GPC6: variants seen among roughly 807,000 people sequenced by gnomAD.
GPC6 encodes glypican-6.
A neutral mutation model predicts 55.2 loss-of-function variants in GPC6; 14 were observed. That is an observed-to-expected ratio of 0.25 (90% CI 0.17 to 0.40). GPC6 has a LOEUF of 0.40. GPC6 is among the 10% of genes least tolerant of loss of function. The pLI is 1.00. For missense variants in GPC6, 641 were observed against 708.5 expected (o/e 0.90, Z 1.08); for synonymous variants, 278 against 259.6 (o/e 1.07, Z -0.68).
intron 5 of GPC6, among the ~76,000 whole-genome samples, chr13:94,300,760 G>A (rs1280971245): frequency 3.9e-5 from 6 of 152,170 alleles, no homozygotes; most frequent in African/African-American, 1.2e-4. Context: ...TGGTAATACC[G>A]ATTCTGTTTC....
intron 1 of GPC6, among the ~76,000 whole-genome samples, chr13:93,230,903 G>A (rs1875982868): frequency 6.6e-6 from 1 of 152,026 alleles, no homozygotes; most frequent in South Asian, 2.1e-4. Context: ...AGTCTTGCTA[G>A]GATCATTAAT....
chr13:93,677,670 CTCTT>C (rs1881688393), intron 2 of GPC6, among the ~76,000 whole-genome samples: 1 of 152,058 alleles, frequency 6.6e-6, no homozygotes, highest in African/African-American at 2.4e-5. Flanking sequence ...CACTTTTACT[CTCTT>C]TAATAAACTG....
In GPC6 at chr13:93,316,959, G is replaced by A. The variant is rs1214862222; in HGVS notation, c.160+89343G>A. Among the ~76,000 whole-genome samples the A allele has an allele frequency of 2.0e-5, 3 of 152,058 alleles. No homozygotes were observed. In the East Asian group the frequency reaches 5.8e-4, roughly 29 times the overall value. ...TGTCATTATCTGATCTGCATTTGAG[G>A]AGCAAGCTATGTTAGCACTGTGAGC... On this transcript the variant is annotated intron_variant, in intron 1 of 8. Coordinates refer to ENST00000377047, the MANE Select transcript of GPC6 (RefSeq NM_005708.5).
chr13:93,311,105 T>C (rs1749833792), intron 1 of GPC6, among the ~76,000 whole-genome samples: 2 of 152,170 alleles, frequency 1.3e-5, no homozygotes, highest in Non-Finnish European at 2.9e-5. Context: ...GCATTACCCA[T>C]GGCCCTAAAG....
At chr13:94,202,185 C>T (rs1889773417) in intron 4 of GPC6, among the ~76,000 whole-genome samples, 1 of 152,130 alleles carries the variant, frequency 6.6e-6, no homozygotes, top group African/African-American at 2.4e-5. Flanking sequence ...TGTAAATTCT[C>T]AGTGTTTCCA....
At chr13:94,372,413 G>A (rs1879598189) in intron 6 of GPC6, among the ~76,000 whole-genome samples, 1 of 152,212 alleles carries the variant, frequency 6.6e-6, no homozygotes, top group Non-Finnish European at 1.5e-5. Flanking sequence ...AGCGCAAGGG[G>A]TCAGGGAGTT....
chr13:93,990,273 TA>T (rs900207632), intron 3 of GPC6, among the ~76,000 whole-genome samples: 27 of 151,972 alleles, frequency 1.8e-4, no homozygotes, highest in African/African-American at 6.0e-4. Context: ...CTTTTTTTTT[TA>T]ATTTACTTTG....
At chr13:94,302,306 C>T (rs143941922) in intron 5 of GPC6, among the ~76,000 whole-genome samples, 173 of 152,232 alleles carry the variant, frequency 1.1e-3, no homozygotes, top group African/African-American at 4.0e-3. Context: ...GATGATGGCA[C>T]CTTCCCACTG....
intron 3 of GPC6, 176 bp downstream of exon 3, chr13:93,830,721 A>G (rs1887458190): frequency 3.2e-6 from 2 of 628,758 alleles, no homozygotes; most frequent in Non-Finnish European, 5.4e-6. Flanking sequence ...TTTTCCTTGC[A>G]TTGTGTGAGA....
At chr13:93,650,492 C>T (rs960872926) in intron 2 of GPC6, among the ~76,000 whole-genome samples, 1 of 85,220 alleles carries the variant, frequency 1.2e-5, no homozygotes, top group South Asian at 2.8e-4. Flanking sequence ...GTCAAAGCTG[C>T]GAACTGAAAA....
chr13:93,960,815 C>CT (rs58063943), intron 3 of GPC6, among the ~76,000 whole-genome samples: 3,310 of 122,106 alleles, frequency 0.027, 110 homozygotes, highest in East Asian at 0.13. Flanking sequence ...TTTTTTTTTT[C>CT]TTTTTTTTTT....
chr13:94,043,824 C>T (rs1234593924), intron 4 of GPC6, among the ~76,000 whole-genome samples: 3 of 151,290 alleles, frequency 2.0e-5, no homozygotes, highest in Admixed American at 6.6e-5. Flanking sequence ...TTTATTTTGC[C>T]TTTAGGTTTG....
intron 4 of GPC6, among the ~76,000 whole-genome samples, chr13:94,158,771 A>G (rs1293624977): frequency 2.0e-5 from 3 of 152,168 alleles, no homozygotes; most frequent in African/African-American, 7.2e-5. Flanking sequence ...ACAAGTAGTT[A>G]GGTCTGGGTT....
At chr13:93,838,116 G>A (rs997908607) in intron 3 of GPC6, among the ~76,000 whole-genome samples, 4 of 152,134 alleles carry the variant, frequency 2.6e-5, no homozygotes, top group Admixed American at 2.0e-4. Context: ...AGACAGACAT[G>A]GGCTGAGCAC....
At chr13:93,742,686 T>A (rs1884251064) in intron 2 of GPC6, among the ~76,000 whole-genome samples, 1 of 152,268 alleles carries the variant, frequency 6.6e-6, no homozygotes, top group African/African-American at 2.4e-5. Context: ...AGCTCATCAC[T>A]GTTATCAAAG....
rs180721785 is a variant in GPC6 at position 93,399,315 on chromosome 13, A to T, written c.161-145948A>T. 1.2e-4 allele frequency among the ~76,000 whole-genome samples: 18 copies of T among 152,336 alleles called. No individual in the cohort carries two copies. The South Asian group carries it at 2.3e-3, about 19-fold the overall frequency. Reference sequence around the variant, plus strand: ...ACTCTTTGTGTTCACTTGTTTTAACACTGTTCTTCTTTGTCCTGTACTGTA... The same window carrying T: ...ACTCTTTGTGTTCACTTGTTTTAACTCTGTTCTTCTTTGTCCTGTACTGTA... On this transcript the variant is annotated intron_variant, in intron 1 of 8. Transcript: ENST00000377047.
At chr13:93,941,226 G>A (rs921986308) in intron 3 of GPC6, among the ~76,000 whole-genome samples, 1 of 152,128 alleles carries the variant, frequency 6.6e-6, no homozygotes, top group African/African-American at 2.4e-5. Context: ...TAGAAATCTT[G>A]ATCTTTAAAT....
At chr13:93,788,659 G>A (rs561427107) in intron 2 of GPC6, among the ~76,000 whole-genome samples, 2 of 151,944 alleles carry the variant, frequency 1.3e-5, no homozygotes, top group Admixed American at 6.6e-5. Context: ...CAGTTACAAC[G>A]CCACATTGTA....
chr13:94,367,740 A>C (rs966127303), intron 6 of GPC6, among the ~76,000 whole-genome samples: 14 of 152,176 alleles, frequency 9.2e-5, no homozygotes, highest in African/African-American at 3.1e-4. Context: ...AAACTCAACA[A>C]AACTAAGCAT....
Sources: gnomAD v4.1 joint callset for allele counts (sites outside exome capture counted in the v4.1 genomes callset) on GRCh38, gnomAD v4.1.1 for gene constraint, MANE v1.5 for transcripts, NCBI Gene and HGNC (gene_info 2026-07-23, HGNC 2026-07-21) for gene names.